The following NRXN3 variants were observed in gnomAD, a reference collection of about 807,000 sequenced individuals.
NRXN3 encodes neurexin III.
NRXN3 carries 32 observed loss-of-function variants against 137.6 expected under a neutral mutation model. That is an observed-to-expected ratio of 0.23 (90% CI 0.18 to 0.31). NRXN3 has a LOEUF of 0.31. Ranked by LOEUF, NRXN3 falls within the 10% of genes least tolerant of loss-of-function variation. NRXN3 has a pLI of 1.00. For missense variants in NRXN3, 1,574 were observed against 2,062.5 expected (o/e 0.76, Z 4.59); for synonymous variants, 798 against 784.5 (o/e 1.02, Z -0.29).
intron 1 of NRXN3, among the ~76,000 whole-genome samples, chr14:78,173,655 T>A (rs1333746275): frequency 5.2e-5 from 7 of 135,360 alleles, no homozygotes; most frequent in Non-Finnish European, 9.4e-5. Context: ...TCCATCTTCA[T>A]GAAAAAAATT....
chr14:79,251,830 C>CT (rs113660197), intron 15 of NRXN3, among the ~76,000 whole-genome samples: 45 of 148,154 alleles, frequency 3.0e-4, no homozygotes, highest in South Asian at 8.6e-4. Context: ...CTTTTCTTTT[C>CT]TTTTTTTTTT....
chr14:79,644,350 G>C (rs181801952), intron 16 of NRXN3, among the ~76,000 whole-genome samples: 14 of 135,928 alleles, frequency 1.0e-4, no homozygotes, highest in African/African-American at 3.4e-4. Context: ...TTGAAAGCCA[G>C]ATCTGTCCAT....
intron 3 of NRXN3, among the ~76,000 whole-genome samples, chr14:78,285,713 A>C (rs1427803445): frequency 6.6e-6 from 1 of 152,196 alleles, no homozygotes; most frequent in Non-Finnish European, 1.5e-5. Context: ...TTTATCCCAC[A>C]TCCTGCTGAA....
chr14:78,270,295 C>T (rs569283419), intron 2 of NRXN3, among the ~76,000 whole-genome samples: 1 of 152,314 alleles, frequency 6.6e-6, no homozygotes, highest in Non-Finnish European at 1.5e-5. Context: ...TCTCTCCTAC[C>T]AGATGATGGG....
rs372065359 is a variant in NRXN3, at chr14:79,132,235, A to G, written c.3262+144094A>G. On this transcript the variant is annotated intron_variant, in intron 15 of 20. Coordinates refer to ENST00000335750, the MANE Select transcript of NRXN3 (RefSeq NM_001330195.2). ...ACTTAACTTTAAAAATTGATATTCA[A>G]TTCAGTCACTGGAAGACATAAGTAT... Among the ~76,000 whole-genome samples, 144 of 152,364 alleles carry G rather than the reference A, an allele frequency of 9.5e-4. 1 individual carries two copies. The highest frequency in any genetic ancestry group is 2.9e-3 in the African/African-American group (120 of 41,592).
At chr14:79,228,757 T>A (rs2071558127) in intron 15 of NRXN3, among the ~76,000 whole-genome samples, 1 of 152,178 alleles carries the variant, frequency 6.6e-6, no homozygotes, top group African/African-American at 2.4e-5. Context: ...CATTTAGGTT[T>A]TAAGCTTGGG....
At chr14:78,872,967 AGT>A (rs2099105121) in intron 10 of NRXN3, among the ~76,000 whole-genome samples, 1 of 152,226 alleles carries the variant, frequency 6.6e-6, no homozygotes, top group South Asian at 2.1e-4. Flanking sequence ...AGATTCTCTG[AGT>A]GTGTTTGCTG....
intron 10 of NRXN3, among the ~76,000 whole-genome samples, chr14:78,840,021 A>ATATTCTT (rs1490206932): frequency 6.6e-6 from 1 of 152,180 alleles, no homozygotes; most frequent in African/African-American, 2.4e-5. Context: ...CAGCTTTAAG[A>ATATTCTT]TTTGTTTTTC....
rs192507879 is a variant in NRXN3, at chr14:79,647,401, G to T, written c.3445-16377G>T. Among the ~76,000 whole-genome samples, 3 of 135,382 alleles carry T rather than the reference G, an allele frequency of 2.2e-5. 1 individual carries two copies. The highest frequency in any genetic ancestry group is 5.2e-5 in the Non-Finnish European group (3 of 58,192). The allele number at this position is 135,382 out of a possible 152,430, so 88.8% of individuals were successfully genotyped here. ...TAAATGTACCTTTCTATACGGAACG[G>T]TCTGCTGTCATGCAACTTTCAAATA... On this transcript the variant is annotated intron_variant, in intron 16 of 20. Coordinates refer to ENST00000335750, the MANE Select transcript of NRXN3 (RefSeq NM_001330195.2).
At chr14:79,682,891 C>T (rs911070634) in intron 17 of NRXN3, among the ~76,000 whole-genome samples, 3 of 152,134 alleles carry the variant, frequency 2.0e-5, no homozygotes, top group Non-Finnish European at 4.4e-5. Flanking sequence ...AATTCCTTCA[C>T]TCCCTAAATG....
Position 78,762,413 on chromosome 14 carries a change from C to T in NRXN3, c.2045-41207C>T, listed in dbSNP as rs577808029. ...CTTGAATAGCAGCTCTTTTTCTTAC[C>T]AGCGGGGACTTTGCCTCTCAGAAAG... On this transcript the variant is annotated intron_variant, in intron 8 of 20. Transcript: ENST00000335750. Among the ~76,000 whole-genome samples, 38 of 152,202 alleles carry T rather than the reference C, an allele frequency of 2.5e-4. 1 individual carries two copies. Among genetic ancestry groups the T allele is most frequent in the Admixed American group, 2.2e-3 (34 of 15,284 alleles).
chr14:78,931,131 A>T (rs1266090503), intron 10 of NRXN3, among the ~76,000 whole-genome samples: 1 of 152,220 alleles, frequency 6.6e-6, no homozygotes, highest in Admixed American at 6.5e-5. Flanking sequence ...GATTCACAAC[A>T]TGAATTTTTT....
chr14:78,376,043 C>T (rs2087783596), intron 4 of NRXN3, among the ~76,000 whole-genome samples: 1 of 151,700 alleles, frequency 6.6e-6, no homozygotes, highest in Non-Finnish European at 1.5e-5. Context: ...CACACTCATT[C>T]TCCTAAAGAT....
At chr14:78,648,352 C>T (rs1428413849) in intron 5 of NRXN3, among the ~76,000 whole-genome samples, 1 of 152,150 alleles carries the variant, frequency 6.6e-6, no homozygotes, top group Admixed American at 6.5e-5. Flanking sequence ...TTCCAGTCTT[C>T]CAGAGGGTTT....
rs759036787 is a variant in NRXN3 at position 79,697,633 on chromosome 14, G to A, written c.3710G>A (p.Arg1237Gln). ...PVEEWLQEKG[R>Q]QLTIFNTQAQ... is the part of the protein sequence containing the mutation. ...TTTCCTCCACCCAACCCACTAGGCCGGCAGTTAACCATCTTCAACACTCAG... is the reference window on the plus strand; with the variant it reads ...TTTCCTCCACCCAACCCACTAGGCCAGCAGTTAACCATCTTCAACACTCAG... The change falls in exon 19 of 21, where the codon CGG (arginine) becomes CAG (glutamine). Residue 1237 changes from arginine (R) to glutamine (Q), a missense_variant. Physicochemically the swap from Arg to Gln is conservative, Grantham distance 43 (BLOSUM62 1). Coordinates refer to ENST00000335750, the MANE Select transcript of NRXN3 (RefSeq NM_001330195.2). The A allele has an allele frequency of 1.2e-6, 2 of 1,610,456 alleles. No homozygotes were observed. The highest frequency in any genetic ancestry group is 1.7e-6 in the Non-Finnish European group (2 of 1,177,516).
chr14:78,892,891 A>G (rs2099163347), intron 10 of NRXN3, among the ~76,000 whole-genome samples: 1 of 151,728 alleles, frequency 6.6e-6, no homozygotes, highest in Non-Finnish European at 1.5e-5. Context: ...CAAAGAAAAA[A>G]TGTTGCTGCT....
intron 19 of NRXN3, among the ~76,000 whole-genome samples, chr14:79,790,391 C>T (rs2099141429): frequency 6.6e-6 from 1 of 152,054 alleles, no homozygotes; most frequent in South Asian, 2.1e-4. Context: ...GAGCCTCAAC[C>T]TCCCATGCTC....
At chr14:78,526,870 T>C (rs1174817571) in intron 4 of NRXN3, 1 of 455,772 alleles carries the variant, frequency 2.2e-6, no homozygotes, top group Non-Finnish European at 4.4e-6. Flanking sequence ...CACCCAGAAA[T>C]ACACCAAAGA....
At chr14:78,933,349 A>G (rs1443885017) in intron 10 of NRXN3, among the ~76,000 whole-genome samples, 1 of 152,234 alleles carries the variant, frequency 6.6e-6, no homozygotes, top group African/African-American at 2.4e-5. Context: ...ATAACATAGC[A>G]ATTTGGCAAT....
Sources: allele counts gnomAD v4.1 joint callset (sites outside exome capture counted in the v4.1 genomes callset), GRCh38; gene constraint gnomAD v4.1.1; transcripts MANE v1.5; gene names NCBI Gene and HGNC (gene_info 2026-07-23, HGNC 2026-07-21).